The following VPS13B variants were observed in gnomAD, a reference collection of about 807,000 sequenced individuals.
The protein encoded by VPS13B is intermembrane lipid transfer protein VPS13B.
In VPS13B, 285 loss-of-function variants were observed where a neutral mutation model predicts 426.4. The ratio of observed to expected loss-of-function variants is 0.67; its 90% confidence interval spans 0.61 to 0.74. The LOEUF is 0.74. Among genes scored for constraint, VPS13B ranks in the 30% least tolerant of loss-of-function variants. The probability of loss-of-function intolerance (pLI) is 0.00; values close to 1 mark genes in which losing one functional copy is unlikely to be tolerated. For missense variants in VPS13B, 4,537 were observed against 4,782.6 expected (o/e 0.95, Z 1.51); for synonymous variants, 1,676 against 1,676.4 (o/e 1.00, Z 0.01).
intron 23 of VPS13B, among the ~76,000 whole-genome samples, chr8:99,465,948 C>T (rs571559415): frequency 1.3e-5 from 2 of 152,076 alleles, no homozygotes; most frequent in East Asian, 1.9e-4. Flanking sequence ...ATTTTATTAA[C>T]TATATTTGGT....
At chr8:99,658,483 A>C (rs1043953674) in intron 34 of VPS13B, among the ~76,000 whole-genome samples, 1 of 152,160 alleles carries the variant, frequency 6.6e-6, no homozygotes, top group African/African-American at 2.4e-5. Context: ...TCTTATGTCA[A>C]CCATATAGAT....
At chr8:99,824,317 G>A (rs1424963396) in intron 51 of VPS13B, among the ~76,000 whole-genome samples, 1 of 152,170 alleles carries the variant, frequency 6.6e-6, no homozygotes, top group African/African-American at 2.4e-5. Flanking sequence ...TGGGTCACAT[G>A]GAAAAGCACA....
chr8:99,051,821 TC>T (rs1340382449), intron 3 of VPS13B, among the ~76,000 whole-genome samples: 2 of 151,946 alleles, frequency 1.3e-5, no homozygotes, highest in African/African-American at 4.8e-5. Context: ...TCATTATTTG[TC>T]TTTCTGTTTG....
At chr8:99,481,187 A>T (rs1050717414) in intron 24 of VPS13B, among the ~76,000 whole-genome samples, 6 of 152,208 alleles carry the variant, frequency 3.9e-5, no homozygotes, top group African/African-American at 1.2e-4. Context: ...GTTTCAAGAA[A>T]TCACAGAGAA....
intron 35 of VPS13B, chr8:99,696,910 C>T (rs186151530): frequency 2.1e-4 from 158 of 743,484 alleles, no homozygotes; most frequent in Middle Eastern, 7.4e-4. Flanking sequence ...CATGTGACTG[C>T]GCTCCATAAA....
Position 99,875,818 on chromosome 8 carries a change from C to CTGCCACCATAAAGGGCTGCATTT in VPS13B, c.*177_*199dup. The CTGCCACCATAAAGGGCTGCATTT allele has an allele frequency of 3.0e-6, 3 of 1,004,950 alleles. No homozygotes were observed. The highest frequency in any genetic ancestry group is 4.5e-6 in the Non-Finnish European group (3 of 674,024). 62.3% of individuals were successfully genotyped at this position (1,004,950 alleles called of 1,614,324 possible). On this transcript the variant is annotated 3_prime_UTR_variant, in exon 62 of 62. Coordinates refer to ENST00000357162, the MANE Select transcript of VPS13B (RefSeq NM_152564.5). ...CACAAGTAGCTACGACTGCAAGCAC[C>CTGCCACCATAAAGGGCTGCATTT]TGCCACCATAAAGGGCTGCATTTTG...
chr8:99,193,713 T>C (rs1813734554), intron 17 of VPS13B, among the ~76,000 whole-genome samples: 1 of 152,094 alleles, frequency 6.6e-6, no homozygotes, highest in Non-Finnish European at 1.5e-5. Flanking sequence ...ATTTTTAATT[T>C]ATCTGTTAAA....
chr8:99,155,713 T>C (rs763324645), intron 14 of VPS13B, among the ~76,000 whole-genome samples: 2 of 152,216 alleles, frequency 1.3e-5, no homozygotes, highest in Non-Finnish European at 2.9e-5. Flanking sequence ...GGAGAATTAT[T>C]ATGTAGCATT....
At chr8:99,682,096 G>C (rs545337453) in intron 35 of VPS13B, among the ~76,000 whole-genome samples, 2 of 152,322 alleles carry the variant, frequency 1.3e-5, no homozygotes, top group Non-Finnish European at 2.9e-5. Flanking sequence ...AGTTATTAAA[G>C]TTTAAAATCA....
intron 33 of VPS13B, among the ~76,000 whole-genome samples, chr8:99,594,507 A>G (rs773846292): frequency 6.6e-6 from 1 of 151,882 alleles, no homozygotes; most frequent in Non-Finnish European, 1.5e-5. Flanking sequence ...TTTTCTATCT[A>G]CTACATTATA....
At chr8:99,692,562 A>G (rs1323650502) in intron 35 of VPS13B, among the ~76,000 whole-genome samples, 1 of 144,132 alleles carries the variant, frequency 6.9e-6, no homozygotes, top group African/African-American at 2.7e-5. Context: ...AGGGAAATTT[A>G]TAGCACTAAA....
chr8:99,805,368 G>A (rs936736708), intron 43 of VPS13B, among the ~76,000 whole-genome samples: 1 of 151,954 alleles, frequency 6.6e-6, no homozygotes, highest in African/African-American at 2.4e-5. Flanking sequence ...AAAGTATTTG[G>A]TACCTTTATC....
intron 15 of VPS13B, among the ~76,000 whole-genome samples, chr8:99,157,063 G>A (rs1323149742): frequency 6.6e-6 from 1 of 152,120 alleles, no homozygotes; most frequent in African/African-American, 2.4e-5. Flanking sequence ...TAATATGGAT[G>A]CTTTGAAGAC....
intron 21 of VPS13B, among the ~76,000 whole-genome samples, chr8:99,409,707 A>T (rs1563714119): frequency 1.3e-5 from 2 of 152,194 alleles, no homozygotes; most frequent in Non-Finnish European, 1.5e-5. Flanking sequence ...CAGATCAAGT[A>T]AACATATTTA....
rs184693266 is a variant in VPS13B at position 99,481,683 on chromosome 8, A to T, written c.3751A>T (p.Thr1251Ser). 24 of 1,613,804 alleles carry T rather than the reference A, an allele frequency of 1.5e-5. No homozygotes were observed. The highest frequency in any genetic ancestry group is 1.9e-5 in the Non-Finnish European group (23 of 1,179,892). ...GAGAGGCAATCTCAACCTATCTCCA[A>T]CCTCTCCAGAGACCATGGCAGGGCC... Reference protein sequence around the residue: ...QKRGNLNLSPTSPETMAGPVP... With the variant: ...QKRGNLNLSPSSPETMAGPVP... The change falls in exon 25 of 62, where the codon ACC (threonine) becomes TCC (serine). Residue 1251 changes from threonine (T) to serine (S), a missense_variant. By Grantham distance (58) the Thr-to-Ser change is moderately conservative. This residue lies in a region of VPS13B where 4,311 missense variants were observed against 4,474.3 expected (regional missense o/e 0.96). Transcript: ENST00000357162.
intron 39 of VPS13B, among the ~76,000 whole-genome samples, chr8:99,757,193 A>C (rs904115730): frequency 6.6e-6 from 1 of 152,166 alleles, no homozygotes; most frequent in Non-Finnish European, 1.5e-5. Flanking sequence ...ATGGCGGGAA[A>C]AGTGATGAAG....
intron 17 of VPS13B, among the ~76,000 whole-genome samples, chr8:99,258,335 A>G (rs926121427): frequency 2.6e-4 from 40 of 151,902 alleles, no homozygotes; most frequent in African/African-American, 9.4e-4. Flanking sequence ...GTATGTGGAT[A>G]ATACTAAATG....
intron 25 of VPS13B, among the ~76,000 whole-genome samples, chr8:99,484,739 C>T (rs1298169152): frequency 6.6e-6 from 1 of 151,330 alleles, no homozygotes; most frequent in East Asian, 1.9e-4. Flanking sequence ...ATGAAATATT[C>T]GATAGACAAA....
chr8:99,280,753 A>G (rs886540933), intron 19 of VPS13B, among the ~76,000 whole-genome samples: 1 of 152,134 alleles, frequency 6.6e-6, no homozygotes, highest in South Asian at 2.1e-4. Context: ...TCACTGGACT[A>G]TACCTCCCAT....
Sources: allele counts gnomAD v4.1 joint callset (sites outside exome capture counted in the v4.1 genomes callset), GRCh38; gene constraint gnomAD v4.1.1; regional missense constraint gnomAD v4.1.1; transcripts MANE v1.5; gene names NCBI Gene and HGNC (gene_info 2026-07-23, HGNC 2026-07-21).